Variants in ADRA1B observed in about 807,000 individuals in gnomAD.
ADRA1B encodes alpha-1B adrenergic receptor.
In ADRA1B, 17 loss-of-function variants were observed where a neutral mutation model predicts 17.9. The observed-to-expected ratio is 0.95, with a 90% confidence interval of 0.65 to 1.42. ADRA1B has a LOEUF of 1.42. Among genes scored for constraint, ADRA1B ranks in the 40% most tolerant of loss-of-function variants. The pLI is 0.00. For synonymous variants in ADRA1B, 366 were observed against 327.6 expected (o/e 1.12, Z -1.27); for missense variants, 681 against 722.1 (o/e 0.94, Z 0.65).
chr5:159,943,912 TCACACA>T (rs70987984), intron 1 of ADRA1B, among the ~76,000 whole-genome samples: 17,515 of 147,454 alleles, frequency 0.12, 1,244 homozygotes, highest in Non-Finnish European at 0.16. Flanking sequence ...TCTGTCTCTC[TCACACA>T]CACACACACA....
intron 1 of ADRA1B, among the ~76,000 whole-genome samples, chr5:159,956,110 G>C (rs565203509): frequency 6.6e-6 from 1 of 152,214 alleles, no homozygotes; most frequent in South Asian, 2.1e-4. Context: ...CAGGCCTGGT[G>C]ACACTGAGTA....
upstream of ADRA1B, among the ~76,000 whole-genome samples, chr5:159,914,008 C>T (rs1754253947): frequency 6.6e-6 from 1 of 152,180 alleles, no homozygotes; most frequent in Non-Finnish European, 1.5e-5. Context: ...TTATCTTAGA[C>T]TTAATGATAC....
the ADRA1B span, among the ~76,000 whole-genome samples, chr5:159,986,343 T>C: frequency 1.3e-5 from 2 of 152,358 alleles, no homozygotes; most frequent in Non-Finnish European, 2.9e-5. Flanking sequence ...TCCTCCTGCC[T>C]TGGCCTCCCA....
upstream of ADRA1B, among the ~76,000 whole-genome samples, chr5:159,913,278 TG>T (rs2113137235): frequency 6.6e-6 from 1 of 152,288 alleles, no homozygotes; most frequent in Admixed American, 6.5e-5. Context: ...AAATATCGTC[TG>T]TGTTCTCATG....
At chr5:159,937,178 C>T (rs957067178) in intron 1 of ADRA1B, among the ~76,000 whole-genome samples, 1 of 152,240 alleles carries the variant, frequency 6.6e-6, no homozygotes, top group African/African-American at 2.4e-5. Flanking sequence ...TGTTTTCCCA[C>T]TATAGCCATG....
At chr5:159,891,924 GT>G (rs901406846) in intron 1 of ADRA1B, among the ~76,000 whole-genome samples, 34 of 152,156 alleles carry the variant, frequency 2.2e-4, no homozygotes, top group African/African-American at 8.2e-4. Context: ...TTTGAAAGGG[GT>G]TCCTCGTGAT....
downstream of ADRA1B, among the ~76,000 whole-genome samples, chr5:159,975,284 C>G (rs1755954859): frequency 6.6e-6 from 1 of 152,146 alleles, no homozygotes; most frequent in African/African-American, 2.4e-5. Context: ...CCCTGGGGTT[C>G]CACAGAATGA....
At chr5:159,922,703 C>A (rs1285177970) in intron 1 of ADRA1B, among the ~76,000 whole-genome samples, 2 of 149,950 alleles carry the variant, frequency 1.3e-5, no homozygotes, top group African/African-American at 4.8e-5. Flanking sequence ...TGGGAGGGAC[C>A]TTGCCCTTCT....
chr5:159,917,639 T>C lies in ADRA1B; in HGVS notation c.734T>C (p.Met245Thr), dbSNP rs1329544406. 1 of 1,613,202 alleles carries C rather than the reference T, an allele frequency of 6.2e-7. No homozygotes were observed. The highest frequency in any genetic ancestry group is 8.5e-7 in the Non-Finnish European group (1 of 1,179,828). ...KNLEAGVMKE[M>T]SNSKELTLRI... ...CTAGAGGCAGGAGTCATGAAGGAGA[T>C]GTCCAACTCCAAGGAGCTGACCCTG... The change falls in exon 1 of 2, where the codon ATG (methionine) becomes ACG (threonine). Residue 245 changes from methionine to threonine, a missense_variant. By Grantham distance (81) the Met-to-Thr change is moderately conservative (BLOSUM62 -1). Around this residue, in one of 3 missense-constraint regions of ADRA1B, gnomAD observed 424 missense variants for 480.2 expected, o/e 0.88. Transcript: ENST00000306675.
chr5:159,944,505 G>A (rs1755218082), intron 1 of ADRA1B, among the ~76,000 whole-genome samples: 1 of 152,194 alleles, frequency 6.6e-6, no homozygotes, highest in Non-Finnish European at 1.5e-5. Flanking sequence ...GTGAAACCTG[G>A]TCTCTCGACA....
At chr5:159,981,964 G>A in the ADRA1B span, among the ~76,000 whole-genome samples, 1 of 152,198 alleles carries the variant, frequency 6.6e-6, no homozygotes, top group African/African-American at 2.4e-5. Flanking sequence ...TGCCTTGCAT[G>A]TAATGCAGCA....
At chr5:159,889,640 G>C (rs999097870) in intron 1 of ADRA1B, among the ~76,000 whole-genome samples, 2 of 152,166 alleles carry the variant, frequency 1.3e-5, no homozygotes, top group Non-Finnish European at 2.9e-5. Context: ...CCATAATGGG[G>C]GTCATGCCAG....
Position 159,916,991 on chromosome 5 carries a change from A to G in ADRA1B, c.86A>G (p.Asn29Ser), listed in dbSNP as rs778756979. 6.8e-6 allele frequency: 11 copies of G among 1,613,976 alleles called. No homozygotes were observed. The Admixed American group carries it at 1.3e-4, about 20-fold the overall frequency. Reference protein sequence around the residue: ...ELKNANFTGPNQTSSNSTLPQ... With the variant: ...ELKNANFTGPSQTSSNSTLPQ... Reference sequence around the variant, plus strand: ...AAAAATGCCAACTTCACTGGCCCCAACCAGACCTCGAGCAACTCCACACTG... The same window carrying G: ...AAAAATGCCAACTTCACTGGCCCCAGCCAGACCTCGAGCAACTCCACACTG... Residue 29 changes from asparagine (N) to serine (S), a missense_variant, in exon 1 of 2, where the codon AAC becomes AGC. Around this residue, in one of 3 missense-constraint regions of ADRA1B, gnomAD observed 424 missense variants for 480.2 expected, o/e 0.88. Transcript: ENST00000306675.
At chr5:159,920,714 A>G (rs142629611) in intron 1 of ADRA1B, among the ~76,000 whole-genome samples, 1,687 of 152,274 alleles carry the variant, frequency 0.011, 25 homozygotes, top group African/African-American at 0.038. Flanking sequence ...TGTTTTCTTA[A>G]TGATTCAGGA....
chr5:159,897,214 G>A (rs561557824), intron 1 of ADRA1B, among the ~76,000 whole-genome samples: 1 of 152,316 alleles, frequency 6.6e-6, no homozygotes, highest in South Asian at 2.1e-4. Flanking sequence ...CCAGTCAGGC[G>A]TGGTGGCTCA....
At chr5:159,967,308 C>G (rs1307407816) in intron 1 of ADRA1B, among the ~76,000 whole-genome samples, 1 of 152,040 alleles carries the variant, frequency 6.6e-6, no homozygotes, top group Admixed American at 6.6e-5. Flanking sequence ...CATGAAAAAG[C>G]AAACAATAAA....
At chr5:159,927,414 C>G (rs1019865851) in intron 1 of ADRA1B, among the ~76,000 whole-genome samples, 4 of 151,160 alleles carry the variant, frequency 2.6e-5, no homozygotes, top group African/African-American at 4.9e-5. Flanking sequence ...CACACACACA[C>G]GTATGCATAG....
chr5:159,908,988 T>C (rs981980005), intron 1 of ADRA1B, among the ~76,000 whole-genome samples: 2 of 152,166 alleles, frequency 1.3e-5, no homozygotes, highest in African/African-American at 4.8e-5. Flanking sequence ...ACTCAAGAAG[T>C]GCCACAAGAA....
At chr5:159,975,071 A>G (rs927454035), downstream of ADRA1B, among the ~76,000 whole-genome samples, 20 of 152,194 alleles carry the variant, frequency 1.3e-4, no homozygotes, top group African/African-American at 4.3e-4. Flanking sequence ...GGGCCCTAGG[A>G]AAAGAAAAGC....
Sources: allele counts gnomAD v4.1 joint callset (sites outside exome capture counted in the v4.1 genomes callset), GRCh38; gene constraint gnomAD v4.1.1; regional missense constraint gnomAD v4.1.1; transcripts MANE v1.5; gene names NCBI Gene and HGNC (gene_info 2026-07-23, HGNC 2026-07-21).